PLA2G2F: variants seen among roughly 807,000 people sequenced by gnomAD.
PLA2G2F encodes phospholipase A2 group IIF.
In PLA2G2F, 17 loss-of-function variants were observed where a neutral mutation model predicts 15.9. The observed-to-expected ratio is 1.07, with a 90% confidence interval of 0.73 to 1.60. The LOEUF is 1.60. Ranked by LOEUF, PLA2G2F falls within the 40% of genes most tolerant of loss-of-function variation. The pLI is 0.00. For synonymous variants in PLA2G2F, 119 were observed against 106.5 expected (o/e 1.12, Z -0.72); for missense variants, 299 against 278.2 (o/e 1.07, Z -0.53).
chr1:20,143,416 G>A, intron 2 of PLA2G2F, 30 bp from the exon 3 acceptor site: 1 of 1,605,900 alleles, frequency 6.2e-7, no homozygotes, highest in South Asian at 1.1e-5. Flanking sequence ...CCGGGGCAGG[G>A]GCTCAGAGCA....
intron 3 of PLA2G2F, chr1:20,144,107 C>G (rs763269222): frequency 1.0e-5 from 2 of 192,034 alleles, no homozygotes; most frequent in Non-Finnish European, 2.1e-5. Flanking sequence ...GTGATGGGGA[C>G]AGCCACACTG....
chr1:20,143,171 C>G, intron 2 of PLA2G2F: 1 of 402,824 alleles, frequency 2.5e-6, no homozygotes, highest in East Asian at 4.1e-5. Flanking sequence ...GGGACAGTAC[C>G]TGGCATGGAG....
At chr1:20,141,072 AG>A (rs1295811390) in intron 2 of PLA2G2F, 1 of 152,238 alleles carries the variant, frequency 6.6e-6, no homozygotes, top group Non-Finnish European at 1.5e-5. Flanking sequence ...GACGTGAGAG[AG>A]GGCTGGTTGC....
chr1:20,141,005 C>A (rs1454561046), intron 2 of PLA2G2F: 2 of 152,202 alleles, frequency 1.3e-5, no homozygotes, highest in African/African-American at 4.8e-5. Context: ...CAGAACACAG[C>A]CTGGCTTGAG....
At chr1:20,144,222 A>C (rs1399021456) in intron 3 of PLA2G2F, 1 of 277,790 alleles carries the variant, frequency 3.6e-6, no homozygotes, top group South Asian at 4.8e-5. Flanking sequence ...CCTACAGTCG[A>C]CGCTCCTCCA....
At chr1:20,145,424 G>C (rs1286182333) in intron 4 of PLA2G2F, among the ~76,000 whole-genome samples, 1 of 151,716 alleles carries the variant, frequency 6.6e-6, no homozygotes, top group African/African-American at 2.4e-5. Context: ...TGGGACTACA[G>C]GTGCATGCCA....
At position 20,143,572 on chromosome 1, in the gene PLA2G2F, C is replaced by T. The variant is rs1282804958; in HGVS notation, c.296C>T (p.Pro99Leu). Residue 99 changes from proline to leucine, a missense_variant, in exon 3 of 5, where the codon CCC (proline) becomes CTC (leucine). Transcript: ENST00000375102. ...CYCGLGGRGQ[P>L]KDEVDWCCHA... ...TGTGGGCTGGGGGGCCGTGGCCAGC[C>T]CAAGGATGAGGTGGACTGGTAGGTA... is the stretch of plus-strand genomic sequence containing the variant. 1 of 1,613,834 alleles carries T rather than the reference C, an allele frequency of 6.2e-7. No individual in the cohort carries two copies. Among genetic ancestry groups the T allele is most frequent in the Non-Finnish European group, 8.5e-7 (1 of 1,179,894 alleles).
chr1:20,143,765 T>A lies in PLA2G2F; in HGVS notation c.314+175T>A, dbSNP rs902636284. ...TTGACTATGTTCTTTCCAAACTGTT[T>A]TGAGCGCTTTCTGTTGTCCATCTCC... On this transcript the variant is annotated intron_variant, in intron 3 of 4. Coordinates refer to ENST00000375102, the MANE Select transcript of PLA2G2F (RefSeq NM_022819.4). The A allele has an allele frequency of 2.3e-5, 19 of 808,596 alleles. No homozygotes were observed. The African/African-American group carries it at 3.1e-4, about 13-fold the overall frequency. 50.1% of individuals were successfully genotyped at this position (808,596 alleles called of 1,614,324 possible). A position where few individuals can be genotyped will look rare whatever the true frequency, so the allele number is the denominator to read the frequency against.
At chr1:20,147,307 TTTCCGAAATC>T (rs1192025316) in intron 4 of PLA2G2F, among the ~76,000 whole-genome samples, 2 of 152,152 alleles carry the variant, frequency 1.3e-5, no homozygotes. Flanking sequence ...CTAAGGATGA[TTTCCGAAATC>T]TACTAATTAT....
intron 3 of PLA2G2F, chr1:20,144,221 G>A (rs1238549309): frequency 2.6e-5 from 7 of 270,812 alleles, no homozygotes; most frequent in South Asian, 2.0e-4. Context: ...GCCTACAGTC[G>A]ACGCTCCTCC....
At chr1:20,141,146 T>C (rs1295003162) in intron 2 of PLA2G2F, 1 of 152,284 alleles carries the variant, frequency 6.6e-6, no homozygotes, top group Non-Finnish European at 1.5e-5. Flanking sequence ...AGCCACTGGT[T>C]AGGGGCAGAG....
Position 20,148,398 on chromosome 1 carries a change from C to T in PLA2G2F, c.633C>T (p.Pro211=), listed in dbSNP as rs1413302301. 6.2e-7 allele frequency: 1 copy of T among 1,609,622 alleles called. No homozygotes were observed. The highest frequency in any genetic ancestry group is 8.5e-7 in the Non-Finnish European group (1 of 1,176,570). ...AATCCCCAGCGCCCCCCGCCCCTCC[C>T]TAGAGCCTCTGAGGTTTGAGAGAGA... ...SHQSPAPPAP[P] is the part of the protein sequence containing the mutation. The change falls in exon 5 of 5, where the codon CCC becomes CCT. Residue 211 remains proline, a synonymous_variant. Transcript: ENST00000375102.
At chr1:20,143,188 C>A (rs1409680501) in intron 2 of PLA2G2F, 2 of 449,992 alleles carry the variant, frequency 4.4e-6, no homozygotes, top group Non-Finnish European at 8.0e-6. Context: ...GGAGCAAGTC[C>A]CTAGCAAGGA....
intron 1 of PLA2G2F, among the ~76,000 whole-genome samples, chr1:20,139,864 G>C (rs925931213): frequency 1.3e-5 from 2 of 152,184 alleles, no homozygotes; most frequent in African/African-American, 2.4e-5. Context: ...GGACTCCCTA[G>C]TGTGTGCATG....
rs902535101 is a variant in PLA2G2F at position 20,149,797 on chromosome 1, A to C, written c.*1396A>C. On this transcript the variant is annotated 3_prime_UTR_variant, in exon 5 of 5. Transcript: ENST00000375102. ...CCAGCACTGTTGTTTCTCCAGGTGC[A>C]CCTTACCTTCCTCCTTACCTGCCCG... The C allele has an allele frequency of 2.0e-5, 3 of 152,370 alleles. No homozygotes were observed. Among genetic ancestry groups the C allele is most frequent in the Admixed American group, 2.0e-4 (3 of 15,276 alleles). 9.4% of individuals were successfully genotyped at this position (152,370 alleles called of 1,614,324 possible).
At chr1:20,140,074 A>T (rs563755412) in intron 1 of PLA2G2F, 92 bp from the exon 2 acceptor site, 1 of 1,321,980 alleles carries the variant, frequency 7.6e-7, no homozygotes, top group East Asian at 2.3e-5. Context: ...CATTGATGAC[A>T]CCTGTCCTGA....
At chr1:20,144,546 C>T (rs1296665139) in intron 3 of PLA2G2F, 34 bp from the exon 4 acceptor site, 4 of 1,509,838 alleles carry the variant, frequency 2.6e-6, no homozygotes, top group Middle Eastern at 1.8e-4. Context: ...GCCGGCCCAG[C>T]CATGCCTGTC....
chr1:20,144,847 C>T (rs181113769), intron 4 of PLA2G2F, among the ~76,000 whole-genome samples, 158 bp downstream of exon 4: 50 of 152,268 alleles, frequency 3.3e-4, no homozygotes, highest in African/African-American at 1.1e-3. Flanking sequence ...GAGGCCGAGG[C>T]GGGCGGATCA....
In PLA2G2F at chr1:20,139,557, G is replaced by T; in HGVS notation, c.116+14G>T. On this transcript the variant is annotated intron_variant, in intron 1 of 4. Coordinates refer to ENST00000375102, the MANE Select transcript of PLA2G2F (RefSeq NM_022819.4). ...AAGAACCTCCAGGTAGGTGCCTGTTGCCCTGAGATGGAATCCTCCAGGGAG... is the reference window on the plus strand; with the variant it reads ...AAGAACCTCCAGGTAGGTGCCTGTTTCCCTGAGATGGAATCCTCCAGGGAG... 6.7e-7 allele frequency: 1 copy of T among 1,481,932 alleles called. No homozygotes were observed. 91.8% of individuals were successfully genotyped at this position (1,481,932 alleles called of 1,614,324 possible). A position where few individuals can be genotyped will look rare whatever the true frequency, so the allele number is the denominator to read the frequency against.
Sources: gnomAD v4.1 joint callset for allele counts (sites outside exome capture counted in the v4.1 genomes callset) on GRCh38, gnomAD v4.1.1 for gene constraint, MANE v1.5 for transcripts, NCBI Gene and HGNC (gene_info 2026-07-23, HGNC 2026-07-21) for gene names.